The following PCDH9 variants were observed in gnomAD, a reference collection of about 807,000 sequenced individuals.
PCDH9 encodes the protein protocadherin 9.
Under a neutral mutation model 70.6 loss-of-function variants are expected in PCDH9, and 24 were observed. The ratio of observed to expected loss-of-function variants is 0.34; its 90% CI spans 0.25 to 0.48. PCDH9 has a LOEUF of 0.48. Among genes scored for constraint, PCDH9 ranks in the 20% least tolerant of loss-of-function variants. PCDH9 has a pLI of 0.99. For synonymous variants in PCDH9, 562 were observed against 558.5 expected, an observed-to-expected ratio of 1.01 and a Z score of -0.09; for missense variants, 1,281 against 1,503.6, an observed-to-expected ratio of 0.85 and a Z score of 2.45.
intron 4 of PCDH9, among the ~76,000 whole-genome samples, chr13:66,616,909 A>G (rs1566458151): frequency 6.6e-6 from 1 of 152,076 alleles, no homozygotes; most frequent in Admixed American, 6.5e-5. Context: ...CCTCAATTCC[A>G]AGCTTCAGGT....
At chr13:66,591,462 TAA>T (rs5804284) in intron 4 of PCDH9, among the ~76,000 whole-genome samples, 5 of 144,686 alleles carry the variant, frequency 3.5e-5, no homozygotes, top group African/African-American at 1.3e-4. Flanking sequence ...GGTAACTATC[TAA>T]AAAAAAAACA....
intron 2 of PCDH9, among the ~76,000 whole-genome samples, chr13:66,990,363 T>A (rs2083976343): frequency 6.6e-6 from 1 of 151,720 alleles, no homozygotes. Context: ...CTCTCTTTCC[T>A]TTGCTCAAAA....
chr13:66,519,523 C>T (rs1959892699), intron 4 of PCDH9, among the ~76,000 whole-genome samples: 1 of 152,024 alleles, frequency 6.6e-6, no homozygotes, highest in Non-Finnish European at 1.5e-5. Flanking sequence ...TCTCAACTTC[C>T]ATATACGAAA....
intron 3 of PCDH9, among the ~76,000 whole-genome samples, chr13:66,673,578 A>G (rs1304047929): frequency 2.6e-5 from 4 of 152,184 alleles, no homozygotes; most frequent in Admixed American, 1.3e-4. Flanking sequence ...AAGCTGGCAC[A>G]TAGGCAGGGA....
intron 2 of PCDH9, among the ~76,000 whole-genome samples, chr13:67,194,930 C>A (rs2089019315): frequency 6.6e-6 from 1 of 151,884 alleles, no homozygotes; most frequent in African/African-American, 2.4e-5. Flanking sequence ...GACCGTTTAT[C>A]AAAAAAAGTC....
intron 2 of PCDH9, among the ~76,000 whole-genome samples, chr13:66,936,960 C>T (rs184777579): frequency 9.9e-5 from 15 of 152,098 alleles, no homozygotes; most frequent in Admixed American, 2.6e-4. Flanking sequence ...AACTGCGTGG[C>T]GCATAATTTG....
intron 2 of PCDH9, among the ~76,000 whole-genome samples, chr13:67,123,264 T>A (rs192886381): frequency 6.6e-6 from 1 of 152,306 alleles, no homozygotes; most frequent in Non-Finnish European, 1.5e-5. Flanking sequence ...TCAAATTTAC[T>A]TATATGGCAG....
In PCDH9 at chr13:67,225,931, C is replaced by T. The variant is rs1359585436; in HGVS notation, c.2510G>A (p.Arg837His). 3 of 1,614,106 alleles carry T rather than the reference C, an allele frequency of 1.9e-6. No homozygotes were observed. The highest frequency in any genetic ancestry group is 1.3e-5 in the African/African-American group (1 of 75,024). Residue 837 changes from arginine to histidine, a missense_variant, in exon 2 of 5, where the codon CGC becomes CAC. Arg to His is a conservative substitution (Grantham distance 29, BLOSUM62 0). Transcript: ENST00000377865. ...TTTGAACCTTGATGCATGGCGACAG[C>T]GCACCAGAACGGTGACGAAGATCAC... ...IVVIFVTVLV[R>H]CRHASRFKAA... is the part of the protein sequence containing the mutation.
intron 2 of PCDH9, among the ~76,000 whole-genome samples, chr13:67,132,867 G>A (rs918025672): frequency 5.9e-5 from 9 of 151,926 alleles, no homozygotes; most frequent in East Asian, 3.9e-4. Context: ...AAACTCTTAC[G>A]TTCCTCCAAG....
chr13:66,747,938 T>C (rs934826966), intron 3 of PCDH9, among the ~76,000 whole-genome samples: 12 of 152,284 alleles, frequency 7.9e-5, no homozygotes, highest in African/African-American at 2.6e-4. Flanking sequence ...AGCATCAATT[T>C]TGTGAACTTT....
At chr13:67,194,206 T>G (rs2088995749) in intron 2 of PCDH9, among the ~76,000 whole-genome samples, 1 of 152,172 alleles carries the variant, frequency 6.6e-6, no homozygotes, top group Non-Finnish European at 1.5e-5. Flanking sequence ...ACTTGTTGAT[T>G]ACTGCACTCA....
At chr13:66,865,133 A>G (rs1292239784) in intron 3 of PCDH9, among the ~76,000 whole-genome samples, 1 of 152,202 alleles carries the variant, frequency 6.6e-6, no homozygotes, top group Non-Finnish European at 1.5e-5. Flanking sequence ...CTTTTCCAAA[A>G]GATACTGTCT....
At chr13:66,873,940 C>CTTT (rs528441546) in intron 3 of PCDH9, among the ~76,000 whole-genome samples, 23 of 111,122 alleles carry the variant, frequency 2.1e-4, no homozygotes, top group South Asian at 3.0e-4. Flanking sequence ...TTCTTTCTTT[C>CTTT]TTTTTTTTTT....
intron 4 of PCDH9, among the ~76,000 whole-genome samples, chr13:66,502,270 T>C (rs989730830): frequency 6.6e-6 from 1 of 152,144 alleles, no homozygotes; most frequent in African/African-American, 2.4e-5. Context: ...ATAAGGTTAT[T>C]ATTGTTGTAG....
At chr13:66,849,107 CATA>C (rs1433333745) in intron 3 of PCDH9, among the ~76,000 whole-genome samples, 2 of 151,930 alleles carry the variant, frequency 1.3e-5, no homozygotes, top group Non-Finnish European at 2.9e-5. Flanking sequence ...CTATTCAAGT[CATA>C]ATAATTGGGT....
intron 3 of PCDH9, among the ~76,000 whole-genome samples, chr13:66,738,679 G>A (rs1457431346): frequency 6.7e-6 from 1 of 148,508 alleles, no homozygotes; most frequent in Non-Finnish European, 1.5e-5. Flanking sequence ...CAAGGCTCGA[G>A]AACTACGTGA....
rs527279747 is a variant in PCDH9, at chr13:66,495,937, G to T, written c.3340+135273C>A. Among the ~76,000 whole-genome samples the T allele has an allele frequency of 8.5e-5, 13 of 152,274 alleles. No homozygotes were observed. In the East Asian group the frequency reaches 1.7e-3, roughly 20 times the overall value. On this transcript the variant is annotated intron_variant, in intron 4 of 4. Coordinates refer to ENST00000377865, the MANE Select transcript of PCDH9 (RefSeq NM_203487.3). ...CTGAGTTTCCTCTTCTGTGAAACAG[G>T]AGTAATAATGGTACCTACCTATGTT...
intron 3 of PCDH9, among the ~76,000 whole-genome samples, chr13:66,770,121 A>G (rs771984887): frequency 1.1e-4 from 17 of 152,156 alleles, no homozygotes; most frequent in Non-Finnish European, 1.8e-4. Flanking sequence ...TATTCCTTTC[A>G]TTAGGATAAA....
chr13:66,501,041 G>A (rs1192011639), intron 4 of PCDH9, among the ~76,000 whole-genome samples: 2 of 152,028 alleles, frequency 1.3e-5, no homozygotes, highest in African/African-American at 4.8e-5. Flanking sequence ...TGAATTAATT[G>A]ATAAGTGGTA....
Sources: gnomAD v4.1 joint callset for allele counts (sites outside exome capture counted in the v4.1 genomes callset) on GRCh38, gnomAD v4.1.1 for gene constraint, MANE v1.5 for transcripts, NCBI Gene and HGNC (gene_info 2026-07-23, HGNC 2026-07-21) for gene names.